Variants in SAFB observed in about 807,000 individuals in gnomAD.
The protein encoded by SAFB is scaffold attachment factor B.
Under a neutral mutation model 101.6 loss-of-function variants are expected in SAFB, and 15 were observed. The observed-to-expected ratio is 0.15, with a 90% CI of 0.10 to 0.23. The LOEUF (loss-of-function observed/expected upper bound fraction) is 0.23. Ranked by LOEUF, SAFB falls within the 10% of genes least tolerant of loss-of-function variation. The pLI, the probability that SAFB is intolerant of heterozygous loss-of-function variation, is 1.00. For synonymous variants in SAFB, 449 were observed against 407.5 expected (o/e 1.10, Z -1.23); for missense variants, 930 against 1,104.1 (o/e 0.84, Z 2.23).
At chr19:5,629,448 G>A (rs2053441464) in intron 2 of SAFB, among the ~76,000 whole-genome samples, 1 of 151,906 alleles carries the variant, frequency 6.6e-6, no homozygotes, top group Admixed American at 6.6e-5. Context: ...ATATAGGTAT[G>A]TGCACACACC....
intron 2 of SAFB, among the ~76,000 whole-genome samples, chr19:5,628,119 C>T (rs567222893): frequency 1.7e-4 from 26 of 152,094 alleles, no homozygotes; most frequent in Admixed American, 1.0e-3. Context: ...GGTGTGGTGG[C>T]GGGCTCCTGT....
At chr19:5,641,451 T>A in intron 2 of SAFB, 143 bp from the exon 3 acceptor site, 1 of 682,536 alleles carries the variant, frequency 1.5e-6, no homozygotes, top group Non-Finnish European at 2.6e-6. Flanking sequence ...CGGAATGGCC[T>A]CATTCCTGGA....
chr19:5,637,840 C>T (rs2053626862), intron 2 of SAFB, among the ~76,000 whole-genome samples: 3 of 152,174 alleles, frequency 2.0e-5, no homozygotes, highest in African/African-American at 7.2e-5. Flanking sequence ...TGAAATGATG[C>T]TACATTATGC....
intron 2 of SAFB, among the ~76,000 whole-genome samples, chr19:5,628,937 TTTG>T (rs1311020696): frequency 2.0e-5 from 3 of 152,216 alleles, no homozygotes; most frequent in African/African-American, 7.2e-5. Context: ...TGTTGCTGTT[TTTG>T]TTTTGTTTTT....
chr19:5,660,926 A>C (rs1198753123), intron 14 of SAFB, among the ~76,000 whole-genome samples: 1 of 133,494 alleles, frequency 7.5e-6, no homozygotes, highest in Non-Finnish European at 1.5e-5. Flanking sequence ...TATGAAGCAT[A>C]TACTCTGTGG....
At chr19:5,627,659 C>G (rs1036218411) in intron 2 of SAFB, among the ~76,000 whole-genome samples, 2 of 152,120 alleles carry the variant, frequency 1.3e-5, no homozygotes, top group Non-Finnish European at 2.9e-5. Context: ...TTTAGTCAGG[C>G]CCCAAACACG....
chr19:5,630,046 A>C (rs935235959), intron 2 of SAFB, among the ~76,000 whole-genome samples: 1 of 152,234 alleles, frequency 6.6e-6, no homozygotes, highest in African/African-American at 2.4e-5. Flanking sequence ...TCTCAAAAAC[A>C]AAAACAAAAA....
intron 6 of SAFB, chr19:5,648,383 T>A (rs1277558209): frequency 6.1e-6 from 2 of 328,462 alleles, no homozygotes; most frequent in Non-Finnish European, 1.1e-5. Context: ...ACAGATCTTG[T>A]GATATTGGGC....
chr19:5,648,030 A>T lies in SAFB; in HGVS notation c.624A>T (p.Pro208=). The change falls in exon 6 of 21, where the codon CCA becomes CCT. Residue 208 remains proline (P), a synonymous_variant. Transcript: ENST00000588852. ...TTTTCTTGCAGGAAATTGAAGAGCC[A>T]TCCCTGGAGCCAGGTACTGTTAAAT... ...DFTILQEIEE[P]SLEPENEKIL... 1 of 1,613,732 alleles carries T rather than the reference A, an allele frequency of 6.2e-7. No individual in the cohort carries two copies. The highest frequency in any genetic ancestry group is 8.5e-7 in the Non-Finnish European group (1 of 1,179,690).
In SAFB at chr19:5,650,974, A is replaced by T; in HGVS notation, c.1199-4A>T. On this transcript the variant is annotated splice_region_variant and splice_polypyrimidine_tract_variant and intron_variant, in intron 8 of 20. Coordinates refer to ENST00000588852, the MANE Select transcript of SAFB (RefSeq NM_001201338.2). ...GTTTTTACTAGAATTTTCTTTTGAAATAGGTCGCAGCAGTTGTGGTAGAAA... is the reference window on the plus strand; with the variant it reads ...GTTTTTACTAGAATTTTCTTTTGAATTAGGTCGCAGCAGTTGTGGTAGAAA... 6.3e-7 allele frequency: 1 copy of T among 1,582,592 alleles called. No individual in the cohort carries two copies. The highest frequency in any genetic ancestry group is 1.1e-5 in the South Asian group (1 of 87,612).
At chr19:5,660,002 G>A (rs2054158863) in intron 14 of SAFB, among the ~76,000 whole-genome samples, 1 of 152,218 alleles carries the variant, frequency 6.6e-6, no homozygotes, top group African/African-American at 2.4e-5. Flanking sequence ...GATCCACAGA[G>A]GCAGGTGTGG....
At chr19:5,631,677 T>C (rs2053492798) in intron 2 of SAFB, among the ~76,000 whole-genome samples, 1 of 152,224 alleles carries the variant, frequency 6.6e-6, no homozygotes, top group African/African-American at 2.4e-5. Flanking sequence ...TTTAACATTT[T>C]TTTTAAAAAC....
At chr19:5,668,051 G>A in intron 20 of SAFB, 111 bp from the exon 21 acceptor site, 1 of 1,485,170 alleles carries the variant, frequency 6.7e-7, no homozygotes, top group Non-Finnish European at 9.1e-7. Context: ...GGAGGGGAGG[G>A]CATTAGGAAG....
chr19:5,655,472 A>C (rs1455380075), intron 13 of SAFB, among the ~76,000 whole-genome samples: 4 of 151,418 alleles, frequency 2.6e-5, no homozygotes, highest in Admixed American at 6.6e-5. Flanking sequence ...AAAAAAAAAA[A>C]AAAAAAAACA....
intron 1 of SAFB, among the ~76,000 whole-genome samples, chr19:5,624,839 A>C (rs937581921): frequency 6.6e-6 from 1 of 152,154 alleles, no homozygotes; most frequent in African/African-American, 2.4e-5. Context: ...AAGCCCACTG[A>C]TCTACATATT....
intron 2 of SAFB, among the ~76,000 whole-genome samples, chr19:5,629,910 T>C (rs2053452198): frequency 6.6e-6 from 1 of 152,104 alleles, no homozygotes; most frequent in Non-Finnish European, 1.5e-5. Flanking sequence ...GGTGTGGTGG[T>C]GGGCGCCTGT....
In SAFB at chr19:5,661,787, G is replaced by A. The variant is rs2054212381; in HGVS notation, c.2132G>A (p.Arg711Gln). 1.3e-6 allele frequency: 2 copies of A among 1,555,628 alleles called. No individual in the cohort carries two copies. The highest frequency in any genetic ancestry group is 2.4e-5 in the East Asian group (1 of 42,102). The change falls in exon 15 of 21, where the codon CGG becomes CAG. Residue 711 changes from arginine (R) to glutamine (Q), a missense_variant. Transcript: ENST00000588852. ...GAGCAGGAGCGGCGGCCCGCGGTGC[G>A]GCGGCCCTACGACCTGGACCGGTAA... ...RYEQERRPAV[R>Q]RPYDLDRRDD...
In SAFB at chr19:5,664,136, C is replaced by T. The variant is rs1912688220; in HGVS notation, c.2268C>T (p.Arg756=). The T allele has an allele frequency of 1.2e-6, 2 of 1,613,958 alleles. No individual in the cohort carries two copies. Among genetic ancestry groups the T allele is most frequent in the Middle Eastern group, 1.7e-4 (1 of 6,060 alleles). ...FHDFDHRDRG[R]YPDHSVDRRE... The stretch of plus-strand genomic sequence containing the variant: ...ACTTTGACCACAGGGACCGCGGCCG[C>T]TACCCCGACCACTCGGTGGACAGGT... The change falls in exon 16 of 21, where the codon CGC becomes CGT. Residue 756 remains arginine (R), a synonymous_variant. Transcript: ENST00000588852.
intron 5 of SAFB, among the ~76,000 whole-genome samples, chr19:5,646,125 C>G (rs750261480): frequency 4.6e-5 from 7 of 152,058 alleles, no homozygotes; most frequent in Non-Finnish European, 8.8e-5. Context: ...CTTAGGAGAA[C>G]TTTTTGTGGA....
Sources: gnomAD v4.1 joint callset for allele counts (sites outside exome capture counted in the v4.1 genomes callset) on GRCh38, gnomAD v4.1.1 for gene constraint, MANE v1.5 for transcripts, NCBI Gene and HGNC (gene_info 2026-07-23, HGNC 2026-07-21) for gene names.